VPS51: variants seen among roughly 807,000 people sequenced by gnomAD.
VPS51 encodes the protein VPS51 subunit of GARP complex.
In VPS51, 55 loss-of-function variants were observed where a neutral mutation model predicts 65.1. That is an observed-to-expected ratio of 0.84 (90% CI 0.68 to 1.06). The LOEUF (loss-of-function observed/expected upper bound fraction) is 1.06. VPS51 is among the 50% of genes least tolerant of loss of function. The pLI, the probability that VPS51 is intolerant of heterozygous loss-of-function variation, is 0.00. For synonymous variants in VPS51, 473 were observed against 489.5 expected (o/e 0.97, Z 0.44); for missense variants, 943 against 1,101.6 (o/e 0.86, Z 2.04).
At chr11:65,110,894 T>A in intron 9 of VPS51, 113 bp downstream of exon 9, 1 of 1,292,066 alleles carries the variant, frequency 7.7e-7, no homozygotes, top group Admixed American at 1.8e-5. Flanking sequence ...GGGGTGACCC[T>A]GACCCTCCAG....
rs148095152 is a variant in VPS51, at chr11:65,099,541, C to A, written c.358+2414C>A. On this transcript the variant is annotated intron_variant, in intron 2 of 9. Coordinates refer to ENST00000279281, the MANE Select transcript of VPS51 (RefSeq NM_013265.4). Reference sequence around the variant, plus strand: ...GAGCACAGTGGCTCATGCCTGTAATCCCTGCACTTTGGAAGGCTGAGGTGG... The same window carrying A: ...GAGCACAGTGGCTCATGCCTGTAATACCTGCACTTTGGAAGGCTGAGGTGG... Among the ~76,000 whole-genome samples, 610 of 152,228 alleles carry A rather than the reference C, an allele frequency of 4.0e-3. 5 individuals are homozygous for A. Among genetic ancestry groups the A allele is most frequent in the African/African-American group, 0.014 (583 of 41,542 alleles).
chr11:65,100,213 CG>C (rs1947799079), intron 2 of VPS51, among the ~76,000 whole-genome samples: 1 of 152,122 alleles, frequency 6.6e-6, no homozygotes, highest in Non-Finnish European at 1.5e-5. Flanking sequence ...ATAAAAAGAA[CG>C]TTTTTTAGCT....
In VPS51 at chr11:65,107,464, T is replaced by A; in HGVS notation, c.359-117T>A. On this transcript the variant is annotated intron_variant, in intron 2 of 9. Transcript: ENST00000279281. The surrounding 1 kb of genome is among the most constrained non-coding windows in gnomAD (Gnocchi z 4.0). ...CCTCGCAGTCCTTTCTCTGGAATCA[T>A]CCATGCGCCCCTGGAGCAAGCTGGG... The A allele has an allele frequency of 2.4e-6, 3 of 1,261,818 alleles. No individual in the cohort carries two copies. The highest frequency in any genetic ancestry group is 3.3e-6 in the Non-Finnish European group (3 of 914,182). 78.2% of individuals were successfully genotyped at this position (1,261,818 alleles called of 1,614,324 possible). A position where few individuals can be genotyped will look rare whatever the true frequency, so the allele number is the denominator to read the frequency against.
Position 65,096,285 on chromosome 11 carries a change from G to C in VPS51, c.35G>C (p.Gly12Ala). The change falls in exon 1 of 10, where the codon GGG becomes GCG. Residue 12 changes from glycine (G) to alanine (A), a missense_variant. Physicochemically the swap from Gly to Ala is moderately conservative, Grantham distance 60. Coordinates refer to ENST00000279281, the MANE Select transcript of VPS51 (RefSeq NM_013265.4). ...GCAGCTGCCGCCGGGCCTAGCCCGG[G>C]GTCTGGACCTGGGGACTCCCCAGAA... ...AAAAAAGPSP[G>A]SGPGDSPEGP... The C allele has an allele frequency of 6.6e-7, 1 of 1,519,068 alleles. No individual in the cohort carries two copies. Among genetic ancestry groups the C allele is most frequent in the East Asian group, 2.6e-5 (1 of 38,050 alleles). 94.1% of individuals were successfully genotyped at this position (1,519,068 alleles called of 1,614,324 possible).
intron 2 of VPS51, among the ~76,000 whole-genome samples, chr11:65,103,458 C>T (rs1370558484): frequency 6.6e-6 from 1 of 152,138 alleles, no homozygotes; most frequent in Non-Finnish European, 1.5e-5. Flanking sequence ...CGTAATCTAC[C>T]TTTCCATGTA....
rs1425524144 is a variant in VPS51 at position 65,109,819 on chromosome 11, C to T, written c.1774C>T (p.Arg592Cys). The change falls in exon 7 of 10, where the codon CGC (arginine) becomes TGC (cysteine). Residue 592 changes from arginine to cysteine, a missense_variant. Arg to Cys is a radical substitution (Grantham distance 180, BLOSUM62 -3). Coordinates refer to ENST00000279281, the MANE Select transcript of VPS51 (RefSeq NM_013265.4). ...GGGCCTGGTCATATCACAGATGCTG[C>T]GCAAGAGCGTGGAGACTCGCGACTG... The part of the protein sequence containing the change: ...VQGLVISQML[R>C]KSVETRDWLS... 11 of 1,610,892 alleles carry T rather than the reference C, an allele frequency of 6.8e-6. No homozygotes were observed. Among genetic ancestry groups the T allele is most frequent in the South Asian group, 2.2e-5 (2 of 90,200 alleles).
rs1296844928 is a variant in VPS51 at position 65,097,026 on chromosome 11, T to G, written c.257T>G (p.Leu86Trp). The G allele has an allele frequency of 1.2e-6, 2 of 1,613,782 alleles. No individual in the cohort carries two copies. The highest frequency in any genetic ancestry group is 1.7e-6 in the Non-Finnish European group (2 of 1,180,012). Reference sequence around the variant, plus strand: ...CGTAGAGAGTGCCCTCTGGCCCAGTTGATGGACAGTGAGACGGACATGGTG... The same window carrying G: ...CGTAGAGAGTGCCCTCTGGCCCAGTGGATGGACAGTGAGACGGACATGGTG... ...KLRRECPLAQ[L>W]MDSETDMVRQ... Residue 86 changes from leucine (L) to tryptophan (W), a missense_variant, in exon 2 of 10, where the codon TTG becomes TGG. Around this residue, in one of 2 missense-constraint regions of VPS51, gnomAD observed 855 missense variants for 953.7 expected, o/e 0.90. Transcript: ENST00000279281.
chr11:65,097,210 G>A, intron 2 of VPS51, 83 bp downstream of exon 2: 8 of 1,576,346 alleles, frequency 5.1e-6, no homozygotes, highest in Non-Finnish European at 6.0e-6. Context: ...AAGGGATTTA[G>A]AGGGGGGAGA....
At position 65,096,448 on chromosome 11, in the gene VPS51, G is replaced by A; in HGVS notation, c.198G>A (p.Ala66=). The change falls in exon 1 of 10, where the codon GCG becomes GCA. Residue 66 remains alanine, a synonymous_variant. Coordinates refer to ENST00000279281, the MANE Select transcript of VPS51 (RefSeq NM_013265.4). The stretch of plus-strand genomic sequence containing the variant: ...TGGACCCGACTGATCTGAACGGGGC[G>A]CACTTCGACCCGGAAGTTTACCTAG... The part of the protein sequence containing the change: ...DPLDPTDLNG[A]HFDPEVYLDK... The A allele has an allele frequency of 7.2e-7, 1 of 1,388,516 alleles. No homozygotes were observed. The highest frequency in any genetic ancestry group is 1.2e-5 in the South Asian group (1 of 80,638). 86.0% of individuals were successfully genotyped at this position (1,388,516 alleles called of 1,614,324 possible).
intron 5 of VPS51, 180 bp downstream of exon 5, chr11:65,109,094 T>C (rs1947868251): frequency 9.9e-7 from 1 of 1,011,660 alleles, no homozygotes; most frequent in Non-Finnish European, 1.5e-6. Context: ...AAGCAGGGCA[T>C]GGTGGGGTCC....
chr11:65,096,759 G>C (rs1947773067), intron 1 of VPS51: 3 of 682,838 alleles, frequency 4.4e-6, no homozygotes, highest in Non-Finnish European at 7.2e-6. Context: ...CAGGCGCGGG[G>C]CTGGGCTTAG....
chr11:65,103,255 A>G (rs1316861862), intron 2 of VPS51, among the ~76,000 whole-genome samples: 3 of 152,128 alleles, frequency 2.0e-5, no homozygotes, highest in African/African-American at 7.2e-5. Flanking sequence ...AAGCAAAGAA[A>G]CTCAAAATAA....
intron 2 of VPS51, among the ~76,000 whole-genome samples, chr11:65,100,239 C>T (rs1947799261): frequency 6.6e-6 from 1 of 152,078 alleles, no homozygotes; most frequent in Non-Finnish European, 1.5e-5. Context: ...GCTAAAAAGA[C>T]AAATAACCCT....
rs745519623 is a variant in VPS51 at position 65,108,541 on chromosome 11, C to T, written c.1070C>T (p.Ala357Val). ...RYFALVERRLAQEQGGGDNSL... is the reference protein window; with the variant it reads ...RYFALVERRLVQEQGGGDNSL... ...TTTGCGCTGGTGGAGCGGCGGCTGGCGCAGGAGCAGGGTGGTGGTGACAAC... is the reference window on the plus strand; with the variant it reads ...TTTGCGCTGGTGGAGCGGCGGCTGGTGCAGGAGCAGGGTGGTGGTGACAAC... Residue 357 changes from alanine to valine, a missense_variant, in exon 5 of 10, where the codon GCG becomes GTG. Ala to Val is a moderately conservative substitution (Grantham distance 64, BLOSUM62 0). This residue lies in a region of VPS51 where 855 missense variants were observed against 953.7 expected (regional missense o/e 0.90). Transcript: ENST00000279281. The T allele has an allele frequency of 7.6e-6, 12 of 1,578,216 alleles. No individual in the cohort carries two copies. The Admixed American group carries it at 2.0e-4, about 26-fold the overall frequency.
Position 65,109,306 on chromosome 11 carries a change from T to C in VPS51, c.1470T>C (p.Arg490=). 6.8e-6 allele frequency: 11 copies of C among 1,613,110 alleles called. No homozygotes were observed. The highest frequency in any genetic ancestry group is 2.2e-5 in the East Asian group (1 of 44,862). ...GTGAGTTCTGCAGTCAGGGTGTCCG[T>C]GAGGGCCTCATCGTGGGCTTCGTCC... is the stretch of plus-strand genomic sequence containing the variant. ...FRGEFCSQGV[R]EGLIVGFVHS... Residue 490 remains arginine, a synonymous_variant, in exon 6 of 10, where the codon CGT becomes CGC. Coordinates refer to ENST00000279281, the MANE Select transcript of VPS51 (RefSeq NM_013265.4).
chr11:65,097,516 C>T (rs1947779225), intron 2 of VPS51, among the ~76,000 whole-genome samples: 1 of 152,064 alleles, frequency 6.6e-6, no homozygotes, highest in African/African-American at 2.4e-5. Flanking sequence ...AGTCCCTGGC[C>T]CAGCCCAAAA....
chr11:65,109,950 C>A, intron 7 of VPS51, 27 bp downstream of exon 7: 2 of 1,562,498 alleles, frequency 1.3e-6, no homozygotes, highest in Non-Finnish European at 8.6e-7. Flanking sequence ...CCGGGGTAGC[C>A]CTGACGCAGG....
intron 6 of VPS51, 58 bp downstream of exon 6, chr11:65,109,553 G>A (rs1947874071): frequency 1.9e-6 from 3 of 1,585,694 alleles, no homozygotes; most frequent in East Asian, 4.5e-5. Context: ...GCAGATGGCT[G>A]GACAGTGCCC....
chr11:65,109,739 G>T lies in VPS51; in HGVS notation c.1694G>T (p.Cys565Phe). The change falls in exon 7 of 10, where the codon TGT becomes TTT. Residue 565 changes from cysteine to phenylalanine, a missense_variant. By Grantham distance (205) the Cys-to-Phe change is radical (BLOSUM62 -2). Coordinates refer to ENST00000279281, the MANE Select transcript of VPS51 (RefSeq NM_013265.4). ...CCAGTGACGCCCGTGAGCACGCTGTGTGCAGAGGCCAGGGAAACGGCGCGG... is the reference window on the plus strand; with the variant it reads ...CCAGTGACGCCCGTGAGCACGCTGTTTGCAGAGGCCAGGGAAACGGCGCGG... ...QFPVTPVSTL[C>F]AEARETARRL... 6.3e-7 allele frequency: 1 copy of T among 1,589,886 alleles called. No homozygotes were observed. The highest frequency in any genetic ancestry group is 8.6e-7 in the Non-Finnish European group (1 of 1,168,372).
Sources: allele counts gnomAD v4.1 joint callset (sites outside exome capture counted in the v4.1 genomes callset), GRCh38; gene constraint gnomAD v4.1.1; regional missense constraint gnomAD v4.1.1; non-coding constraint Gnocchi (gnomAD v3.1); transcripts MANE v1.5; gene names NCBI Gene and HGNC (gene_info 2026-07-23, HGNC 2026-07-21).